The following LINGO2 variants were observed in gnomAD, a reference collection of about 807,000 sequenced individuals.
The protein encoded by LINGO2 is leucine-rich repeat and immunoglobulin-like domain-containing nogo receptor-interacting protein 2.
In LINGO2, 14 loss-of-function variants were observed where a neutral mutation model predicts 30.6. That is an observed-to-expected ratio of 0.46 (90% CI 0.30 to 0.72). The LOEUF (loss-of-function observed/expected upper bound fraction) is 0.72. Among genes scored for constraint, LINGO2 ranks in the 30% least tolerant of loss-of-function variants. LINGO2 has a pLI of 0.07. For missense variants in LINGO2, 729 were observed against 751.7 expected (o/e 0.97, Z 0.35); for synonymous variants, 317 against 288.5 (o/e 1.10, Z -1.00).
At chr9:29,142,299 G>C in the LINGO2 span, among the ~76,000 whole-genome samples, 94 of 151,812 alleles carry the variant, frequency 6.2e-4, no homozygotes, top group African/African-American at 2.2e-3. Context: ...ATATACTTCT[G>C]AACAACCACA....
the LINGO2 span, among the ~76,000 whole-genome samples, chr9:28,774,775 C>A: frequency 6.6e-6 from 1 of 152,040 alleles, no homozygotes; most frequent in South Asian, 2.1e-4. Context: ...CAAAGTATTG[C>A]AAAGTTCAAT....
chr9:28,854,323 AT>A, the LINGO2 span, among the ~76,000 whole-genome samples: 4 of 152,072 alleles, frequency 2.6e-5, no homozygotes, highest in Admixed American at 2.6e-4. Flanking sequence ...ACATTAAACA[AT>A]GGGTTATGAT....
At chr9:28,243,852 C>G (rs1343006302) in intron 4 of LINGO2, among the ~76,000 whole-genome samples, 1 of 152,118 alleles carries the variant, frequency 6.6e-6, no homozygotes, top group African/African-American at 2.4e-5. Context: ...TACAAAGATA[C>G]TTAGACTCCC....
At chr9:28,386,070 C>T (rs1004916491) in intron 2 of LINGO2, among the ~76,000 whole-genome samples, 16 of 152,154 alleles carry the variant, frequency 1.1e-4, no homozygotes, top group African/African-American at 3.9e-4. Flanking sequence ...TATTGGAAGC[C>T]TTGCACATAA....
intron 3 of LINGO2, among the ~76,000 whole-genome samples, chr9:28,364,212 A>G (rs1445908760): frequency 6.6e-6 from 1 of 152,234 alleles, no homozygotes; most frequent in Admixed American, 6.5e-5. Flanking sequence ...AGTTTGGTCT[A>G]TGAGTGCAAA....
the LINGO2 span, among the ~76,000 whole-genome samples, chr9:28,760,922 G>A: frequency 1.6e-4 from 7 of 43,302 alleles, no homozygotes; most frequent in Admixed American, 5.4e-4. Context: ...GTACGTGTGT[G>A]TGTGTGTGTG....
intron 1 of LINGO2, among the ~76,000 whole-genome samples, chr9:28,642,240 C>T (rs1827626413): frequency 6.6e-6 from 1 of 151,872 alleles, no homozygotes. Context: ...AAAAAGTGTC[C>T]TTAAAAAACC....
At chr9:28,072,458 T>G (rs769643300) in intron 4 of LINGO2, among the ~76,000 whole-genome samples, 12 of 152,176 alleles carry the variant, frequency 7.9e-5, no homozygotes, top group Non-Finnish European at 1.2e-4. Context: ...CTTGGTGAAA[T>G]GACAGCTCAG....
rs372678116 is a variant in LINGO2 at position 28,635,723 on chromosome 9, T to G, written c.-365+34477A>C. On this transcript the variant is annotated intron_variant, in intron 1 of 5. Coordinates refer to ENST00000379992, the Ensembl canonical transcript of LINGO2. ...AAAAATTATTTCATAGGGATAAATG[T>G]AACAGAACCATAAAATAAGACACCA... 3.3e-5 allele frequency among the ~76,000 whole-genome samples: 5 copies of G among 152,298 alleles called. No homozygotes were observed. In the East Asian group the frequency reaches 7.7e-4, roughly 23 times the overall value.
intron 1 of LINGO2, among the ~76,000 whole-genome samples, chr9:28,616,574 G>A (rs1199312647): frequency 6.6e-6 from 1 of 152,200 alleles, no homozygotes; most frequent in Non-Finnish European, 1.5e-5. Context: ...AGGGCACACA[G>A]AAATGAAGTC....
chr9:28,055,021 G>A (rs957905183), intron 4 of LINGO2, among the ~76,000 whole-genome samples: 1 of 143,856 alleles, frequency 7.0e-6, no homozygotes. Flanking sequence ...AAAACAAAAC[G>A]CACAAACTTG....
In LINGO2 at chr9:28,196,428, G is replaced by A. The variant is rs552275506; in HGVS notation, c.-87+98780C>T. Among the ~76,000 whole-genome samples the A allele has an allele frequency of 1.5e-4, 23 of 151,736 alleles. No individual in the cohort carries two copies. In the South Asian group the frequency reaches 3.9e-3, roughly 26 times the overall value. On this transcript the variant is annotated intron_variant, in intron 4 of 5. Coordinates refer to ENST00000379992, the Ensembl canonical transcript of LINGO2. ...GGTAGTTGCTCAAAATTAGCATATT[G>A]GAATTAATAGACATTATATGTACAA...
the LINGO2 span, among the ~76,000 whole-genome samples, chr9:29,014,066 T>C: frequency 6.6e-6 from 1 of 152,166 alleles, no homozygotes; most frequent in South Asian, 2.1e-4. Flanking sequence ...ATCCATTCAT[T>C]TTTTTTCTGT....
At chr9:28,303,625 T>C (rs923997034) in intron 3 of LINGO2, among the ~76,000 whole-genome samples, 1 of 152,146 alleles carries the variant, frequency 6.6e-6, no homozygotes, top group Non-Finnish European at 1.5e-5. Flanking sequence ...GTGCTCTATT[T>C]ATTAAATACT....
chr9:28,072,979 C>T lies in LINGO2; in HGVS notation c.-86-60574G>A, dbSNP rs566854197. ...AGTGTTCATGGACTGGTTTGATATCCGCTTAAGCTCCCTTGGTCTTCGGCT... is the reference window on the plus strand; with the variant it reads ...AGTGTTCATGGACTGGTTTGATATCTGCTTAAGCTCCCTTGGTCTTCGGCT... On this transcript the variant is annotated intron_variant, in intron 4 of 5. Coordinates refer to ENST00000379992, the Ensembl canonical transcript of LINGO2. Among the ~76,000 whole-genome samples the T allele has an allele frequency of 6.6e-5, 10 of 152,062 alleles. No individual in the cohort carries two copies. In the South Asian group the frequency reaches 1.5e-3, roughly 22 times the overall value.
the LINGO2 span, among the ~76,000 whole-genome samples, chr9:29,053,876 T>G: frequency 3.9e-5 from 6 of 152,140 alleles, no homozygotes; most frequent in African/African-American, 1.4e-4. Context: ...GCAGTCTACA[T>G]CGAATTCTGG....
intron 4 of LINGO2, among the ~76,000 whole-genome samples, chr9:28,247,295 G>A (rs1184708155): frequency 6.6e-6 from 1 of 152,138 alleles, no homozygotes; most frequent in African/African-American, 2.4e-5. Context: ...AAAGATATAT[G>A]CATAGTATGT....
At chr9:28,763,609 T>C in the LINGO2 span, among the ~76,000 whole-genome samples, 1 of 151,522 alleles carries the variant, frequency 6.6e-6, no homozygotes, top group Non-Finnish European at 1.5e-5. Context: ...ACAACCTACA[T>C]TTATACCTAA....
intron 4 of LINGO2, among the ~76,000 whole-genome samples, chr9:28,099,461 A>G (rs1563974125): frequency 1.3e-5 from 2 of 152,132 alleles, no homozygotes; most frequent in African/African-American, 4.8e-5. Context: ...CTTAGGCTTC[A>G]TCTTCTCCCT....
Sources: gnomAD v4.1 joint callset for allele counts (sites outside exome capture counted in the v4.1 genomes callset) on GRCh38, gnomAD v4.1.1 for gene constraint, MANE v1.5 for transcripts, NCBI Gene and HGNC (gene_info 2026-07-23, HGNC 2026-07-21) for gene names.